UTRN: variants seen among roughly 807,000 people sequenced by gnomAD.
UTRN encodes utrophin.
In UTRN, 283 loss-of-function variants were observed where a neutral mutation model predicts 463.9. The observed-to-expected ratio is 0.61, with a 90% CI of 0.55 to 0.67. The LOEUF is 0.67. Among genes scored for constraint, UTRN ranks in the 30% least tolerant of loss-of-function variants. The pLI, the probability that UTRN is intolerant of heterozygous loss-of-function variation, is 0.00. For synonymous variants in UTRN, 1,442 were observed against 1,431.5 expected, an observed-to-expected ratio of 1.01 and a Z score of -0.17; for missense variants, 3,922 against 4,084.3, an observed-to-expected ratio of 0.96 and a Z score of 1.08.
At chr6:144,745,163 A>G (rs1353869863) in intron 54 of UTRN, among the ~76,000 whole-genome samples, 1 of 152,170 alleles carries the variant, frequency 6.6e-6, no homozygotes, top group Admixed American at 6.5e-5. Flanking sequence ...TTCTACTTGT[A>G]GGTGGTCCTT....
At chr6:144,732,235 T>C (rs937388815) in intron 54 of UTRN, among the ~76,000 whole-genome samples, 40 of 33,382 alleles carry the variant, frequency 1.2e-3, no homozygotes, top group African/African-American at 1.3e-3. Context: ...TATATATATA[T>C]ATACATATAT....
chr6:144,818,337 G>A (rs1779263040), intron 65 of UTRN, among the ~76,000 whole-genome samples: 1 of 151,684 alleles, frequency 6.6e-6, no homozygotes. Context: ...AGATAGTGGT[G>A]ATTTTTTTTA....
chr6:144,760,164 A>G (rs549653177), intron 58 of UTRN, among the ~76,000 whole-genome samples: 2 of 152,218 alleles, frequency 1.3e-5, no homozygotes, highest in East Asian at 3.9e-4. Flanking sequence ...CTAAATCAGA[A>G]TTTCTCTAAT....
At chr6:144,513,739 T>G (rs1795372493) in intron 35 of UTRN, among the ~76,000 whole-genome samples, 170 bp from the exon 36 acceptor site, 1 of 152,190 alleles carries the variant, frequency 6.6e-6, no homozygotes, top group Admixed American at 6.5e-5. Context: ...GATGTGCATT[T>G]TTAGGAATAA....
At position 144,760,772 on chromosome 6, in the gene UTRN, T is replaced by C. The variant is rs1307122354; in HGVS notation, c.8495+2783T>C. The stretch of plus-strand genomic sequence containing the variant: ...CAAATTTTGCATGATTGCCATGCAA[T>C]GAGAATTTCCTGGAGCAAATTAGAA... On this transcript the variant is annotated intron_variant, in intron 58 of 74. Coordinates refer to ENST00000367545, the MANE Select transcript of UTRN (RefSeq NM_007124.3). Among the ~76,000 whole-genome samples the C allele has an allele frequency of 2.6e-4, 40 of 152,176 alleles. 1 individual carries two copies. Among genetic ancestry groups the C allele is most frequent in the Admixed American group, 2.6e-3 (40 of 15,266 alleles).
intron 37 of UTRN, among the ~76,000 whole-genome samples, chr6:144,515,501 C>T (rs960577456): frequency 5.3e-5 from 8 of 150,642 alleles, no homozygotes; most frequent in South Asian, 2.1e-4. Flanking sequence ...TTTTATATGA[C>T]GACAAATCTA....
chr6:144,624,502 C>T (rs1220470856), intron 51 of UTRN, among the ~76,000 whole-genome samples: 1 of 152,132 alleles, frequency 6.6e-6, no homozygotes, highest in Non-Finnish European at 1.5e-5. Context: ...AAAATAGCCA[C>T]TGATACCTGG....
chr6:144,591,874 A>C (rs371464026), intron 51 of UTRN, among the ~76,000 whole-genome samples: 27 of 152,264 alleles, frequency 1.8e-4, no homozygotes, highest in African/African-American at 6.5e-4. Flanking sequence ...TAAATGTTGC[A>C]AGAGTTAAAG....
chr6:144,310,635 G>A (rs1368511827), intron 2 of UTRN, among the ~76,000 whole-genome samples: 1 of 151,528 alleles, frequency 6.6e-6, no homozygotes. Context: ...TGGGCGTGGC[G>A]GGGGGTGGGG....
intron 50 of UTRN, among the ~76,000 whole-genome samples, chr6:144,568,688 T>C (rs959877908): frequency 3.3e-5 from 5 of 152,158 alleles, no homozygotes; most frequent in Admixed American, 6.6e-5. Flanking sequence ...AAGCTGAATT[T>C]GAAACTAGGG....
intron 54 of UTRN, among the ~76,000 whole-genome samples, chr6:144,741,013 G>A (rs548269759): frequency 5.9e-5 from 9 of 152,244 alleles, no homozygotes; most frequent in South Asian, 4.1e-4. Flanking sequence ...ATAAAGGACC[G>A]GAGGATACAA....
intron 3 of UTRN, among the ~76,000 whole-genome samples, chr6:144,415,533 A>G (rs942921122): frequency 4.6e-5 from 7 of 152,118 alleles, no homozygotes; most frequent in African/African-American, 7.2e-5. Flanking sequence ...TACTACTACT[A>G]TTGCTGAAAA....
At chr6:144,372,277 G>A (rs912692495) in intron 2 of UTRN, among the ~76,000 whole-genome samples, 1 of 152,210 alleles carries the variant, frequency 6.6e-6, no homozygotes, top group African/African-American at 2.4e-5. Context: ...TGCCTGGGTT[G>A]GACTCTGCTC....
intron 2 of UTRN, among the ~76,000 whole-genome samples, chr6:144,396,004 A>G (rs1782370839): frequency 1.3e-5 from 2 of 152,004 alleles, no homozygotes; most frequent in Non-Finnish European, 2.9e-5. Context: ...GAATTACTGT[A>G]TATTAACCTA....
At chr6:144,391,206 G>A (rs1781888390) in intron 2 of UTRN, among the ~76,000 whole-genome samples, 1 of 151,920 alleles carries the variant, frequency 6.6e-6, no homozygotes, top group African/African-American at 2.4e-5. Flanking sequence ...TGAATAAGTG[G>A]TACTACAGGC....
At chr6:144,398,156 G>A (rs1057489827) in intron 2 of UTRN, 2 of 249,658 alleles carry the variant, frequency 8.0e-6, no homozygotes, top group South Asian at 1.3e-4. Context: ...TGTTCCCTGG[G>A]GTGGTGTACC....
intron 30 of UTRN, 57 bp downstream of exon 30, chr6:144,488,891 C>T: frequency 6.9e-7 from 1 of 1,457,744 alleles, no homozygotes; most frequent in Non-Finnish European, 9.1e-7. Context: ...GTAATTGCCT[C>T]CTCAACTATA....
chr6:144,640,819 A>G (rs1361334389), intron 51 of UTRN, among the ~76,000 whole-genome samples: 1 of 152,154 alleles, frequency 6.6e-6, no homozygotes, highest in Non-Finnish European at 1.5e-5. Context: ...CTAATTTTTA[A>G]TTTTTGTAGT....
At chr6:144,357,671 TCTTAGTA>T (rs1562289110) in intron 2 of UTRN, among the ~76,000 whole-genome samples, 1 of 152,248 alleles carries the variant, frequency 6.6e-6, no homozygotes, top group East Asian at 1.9e-4. Context: ...GAATCACTGA[TCTTAGTA>T]CTTCCTGCAG....
Sources: gnomAD v4.1 joint callset for allele counts (sites outside exome capture counted in the v4.1 genomes callset) on GRCh38, gnomAD v4.1.1 for gene constraint, MANE v1.5 for transcripts, NCBI Gene and HGNC (gene_info 2026-07-23, HGNC 2026-07-21) for gene names.